The following STPG1 variants were observed in gnomAD, a reference collection of about 807,000 sequenced individuals.
STPG1 encodes O(6)-methylguanine-induced apoptosis 2.
Under a neutral mutation model 40.1 loss-of-function variants are expected in STPG1, and 33 were observed. The ratio of observed to expected loss-of-function variants is 0.82; its 90% CI spans 0.62 to 1.10. The LOEUF (loss-of-function observed/expected upper bound fraction) is 1.10. Among genes scored for constraint, STPG1 ranks in the 50% least tolerant of loss-of-function variants. The probability of loss-of-function intolerance (pLI) is 0.00; values close to 1 mark genes in which losing one functional copy is unlikely to be tolerated. For synonymous variants in STPG1, 150 were observed against 155.0 expected (o/e 0.97, Z 0.24); for missense variants, 396 against 415.1 (o/e 0.95, Z 0.40).
At chr1:24,391,434 C>T (rs1170190619) in intron 3 of STPG1, 127 bp downstream of exon 3, 8 of 568,714 alleles carry the variant, frequency 1.4e-5, no homozygotes, top group Admixed American at 1.1e-4. Flanking sequence ...GAGCTGGTGC[C>T]GCGGCTCCTG....
chr1:24,388,039 T>C (rs565470937), intron 3 of STPG1, among the ~76,000 whole-genome samples: 68 of 152,342 alleles, frequency 4.5e-4, no homozygotes, highest in Non-Finnish European at 3.4e-4. Flanking sequence ...TATTAACATA[T>C]ATTTTTAAAT....
intron 1 of STPG1, among the ~76,000 whole-genome samples, chr1:24,406,790 A>G (rs1440713251): frequency 1.3e-5 from 2 of 152,046 alleles, no homozygotes; most frequent in Admixed American, 6.5e-5. Flanking sequence ...TTTTTTATCC[A>G]TCAACTTTTA....
At chr1:24,371,816 C>A (rs553052989) in intron 6 of STPG1, among the ~76,000 whole-genome samples, 5 of 152,118 alleles carry the variant, frequency 3.3e-5, no homozygotes, top group African/African-American at 1.2e-4. Context: ...GAGAGCCAGC[C>A]GCCAGGAAGC....
chr1:24,405,319 T>G (rs968066203), intron 1 of STPG1, among the ~76,000 whole-genome samples: 2 of 152,208 alleles, frequency 1.3e-5, no homozygotes, highest in African/African-American at 4.8e-5. Flanking sequence ...ACCATTTTAG[T>G]GGCATCTCAT....
chr1:24,375,799 C>T (rs1641994974), intron 5 of STPG1, among the ~76,000 whole-genome samples: 2 of 152,040 alleles, frequency 1.3e-5, no homozygotes, highest in South Asian at 2.1e-4. Flanking sequence ...GACAGAAAAG[C>T]AACTGAAAAA....
chr1:24,410,655 C>T lies in STPG1; in HGVS notation c.-69+3019G>A, dbSNP rs150981960. On this transcript the variant is annotated intron_variant, in intron 1 of 8. Transcript: ENST00000337248. ...AAAAAACAATCCCCAATCCTACCAC[C>T]AAAAGACCACACTGTTAATAATGCT... 26 of 153,178 alleles carry T rather than the reference C, an allele frequency of 1.7e-4. No homozygotes were observed. In the East Asian group the frequency reaches 4.8e-3, roughly 28 times the overall value. The allele number at this position is 153,178 out of a possible 1,614,324, so 9.5% of individuals were successfully genotyped here.
chr1:24,359,667 C>T lies in STPG1; in HGVS notation c.929-1048G>A, dbSNP rs1640967055. ...TCATCTTGGCTCCCTCGCACGGGAG[C>T]ATCGTCAACACTCACAGAAAGGCTG... On this transcript the variant is annotated intron_variant, in intron 8 of 8. Coordinates refer to ENST00000337248, the MANE Select transcript of STPG1 (RefSeq NM_001199013.2). This position sits in a 1 kb window ranked among gnomAD's most constrained non-coding sequence, Gnocchi z 5.3. Among the ~76,000 whole-genome samples the T allele has an allele frequency of 6.6e-6, 1 of 152,198 alleles. No individual in the cohort carries two copies. Among genetic ancestry groups the T allele is most frequent in the South Asian group, 2.1e-4 (1 of 4,830 alleles).
At chr1:24,367,679 C>G (rs1413261279) in intron 7 of STPG1, among the ~76,000 whole-genome samples, 3 of 152,096 alleles carry the variant, frequency 2.0e-5, no homozygotes, top group Non-Finnish European at 4.4e-5. Context: ...CCACCACGCC[C>G]AGCTTTGTAT....
chr1:24,399,183 T>C lies in STPG1; in HGVS notation c.70+2136A>G, dbSNP rs2148710722. Among the ~76,000 whole-genome samples, 1 of 152,354 alleles carries C rather than the reference T, an allele frequency of 6.6e-6. No homozygotes were observed. Among genetic ancestry groups the C allele is most frequent in the South Asian group, 2.1e-4 (1 of 4,832 alleles). On this transcript the variant is annotated intron_variant, in intron 2 of 8. Coordinates refer to ENST00000337248, the MANE Select transcript of STPG1 (RefSeq NM_001199013.2). This position sits in a 1 kb window ranked among gnomAD's most constrained non-coding sequence, Gnocchi z 4.0. ...AAGAAGTACAAAGTTGAAGGGCTTA[T>C]GCTACTAAAGAGTTATTATAAAGTT...
chr1:24,360,907 A>G lies in STPG1; in HGVS notation c.872T>C (p.Val291Ala), dbSNP rs575719376. The G allele has an allele frequency of 1.2e-6, 2 of 1,613,956 alleles. No homozygotes were observed. Among genetic ancestry groups the G allele is most frequent in the East Asian group, 4.5e-5 (2 of 44,884 alleles). ...RKHFISSASF[V>A]SNTSRWTAAP... ...CGCTGTCCACCGGCTGGTATTGGAC[A>G]CGAATGATGCACTAGAGATGAAATG... The change falls in exon 8 of 9, where the codon GTG becomes GCG. Residue 291 changes from valine (V) to alanine (A), a missense_variant. Val to Ala is a moderately conservative substitution (Grantham distance 64, BLOSUM62 0). Coordinates refer to ENST00000337248, the MANE Select transcript of STPG1 (RefSeq NM_001199013.2).
At chr1:24,361,950 C>A (rs1280486809) in intron 7 of STPG1, among the ~76,000 whole-genome samples, 1 of 152,156 alleles carries the variant, frequency 6.6e-6, no homozygotes, top group African/African-American at 2.4e-5. Context: ...GAGACTTCTG[C>A]GCTTGTTACA....
chr1:24,389,179 C>T (rs776385424), intron 3 of STPG1, among the ~76,000 whole-genome samples: 8 of 152,174 alleles, frequency 5.3e-5, no homozygotes, highest in Non-Finnish European at 1.2e-4. Context: ...TAGTCAAAAA[C>T]GTTCTGAGAA....
At chr1:24,364,958 GACCCTCCAGACACT>G (rs1198675498) in intron 7 of STPG1, among the ~76,000 whole-genome samples, 1 of 152,196 alleles carries the variant, frequency 6.6e-6, no homozygotes, top group Non-Finnish European at 1.5e-5. Context: ...AAGCATCTGA[GACCCTCCAGACACT>G]CCCAGGCACA....
At chr1:24,366,165 G>T (rs1569986282) in intron 7 of STPG1, among the ~76,000 whole-genome samples, 1 of 152,142 alleles carries the variant, frequency 6.6e-6, no homozygotes, top group African/African-American at 2.4e-5. Flanking sequence ...TCCAACCCAA[G>T]ACAGATGAGG....
Position 24,379,487 on chromosome 1 carries a change from C to T in STPG1, c.462+166G>A. 3 of 699,494 alleles carry T rather than the reference C, an allele frequency of 4.3e-6. No homozygotes were observed. In the South Asian group the frequency reaches 5.6e-5, roughly 13 times the overall value. 43.3% of individuals were successfully genotyped at this position (699,494 alleles called of 1,614,324 possible). ...TCCTGATCTCTGGGGTCTGCAAATTCCCTGTAAGAGTCTTGTACAGCCTTA... is the reference window on the plus strand; with the variant it reads ...TCCTGATCTCTGGGGTCTGCAAATTTCCTGTAAGAGTCTTGTACAGCCTTA... On this transcript the variant is annotated intron_variant, in intron 5 of 8. Transcript: ENST00000337248.
At chr1:24,404,086 T>A (rs1160865559) in intron 1 of STPG1, among the ~76,000 whole-genome samples, 2 of 152,182 alleles carry the variant, frequency 1.3e-5, no homozygotes, top group African/African-American at 2.4e-5. Flanking sequence ...TAGGTTTTTT[T>A]AAAATAAAAG....
chr1:24,396,126 A>G (rs1387514613), intron 2 of STPG1, among the ~76,000 whole-genome samples: 1 of 152,238 alleles, frequency 6.6e-6, no homozygotes, highest in Non-Finnish European at 1.5e-5. Flanking sequence ...TTCTTCTACT[A>G]TATGTGAAGT....
upstream of STPG1, chr1:24,414,889 C>G (rs1395331495): frequency 2.0e-5 from 3 of 152,206 alleles, no homozygotes; most frequent in African/African-American, 7.2e-5. Flanking sequence ...GGCCCAACCA[C>G]GCCCCCAGAA....
chr1:24,407,472 C>T (rs541190208), intron 1 of STPG1, among the ~76,000 whole-genome samples: 7 of 148,872 alleles, frequency 4.7e-5, no homozygotes, highest in East Asian at 3.9e-4. Context: ...GACGGAGTCC[C>T]GCTCTGTCAC....
Sources: gnomAD v4.1 joint callset for allele counts (sites outside exome capture counted in the v4.1 genomes callset) on GRCh38, gnomAD v4.1.1 for gene constraint, Gnocchi (gnomAD v3.1) non-coding constraint, MANE v1.5 for transcripts, NCBI Gene and HGNC (gene_info 2026-07-23, HGNC 2026-07-21) for gene names.